Variants in CCN4 observed in about 807,000 individuals in gnomAD.
The protein encoded by CCN4 is cellular communication network factor 4.
In CCN4, 30 loss-of-function variants were observed where a neutral mutation model predicts 36.7. That is an observed-to-expected ratio of 0.82 (90% confidence interval 0.61 to 1.11). The LOEUF is 1.11. Ranked by LOEUF, CCN4 falls within the 50% of genes least tolerant of loss-of-function variation. CCN4 has a pLI of 0.00. For missense variants in CCN4, 505 were observed against 504.9 expected (o/e 1.00, Z 0.00); for synonymous variants, 191 against 195.4 (o/e 0.98, Z 0.19).
At chr8:133,197,190 CT>C (rs1317016960) in intron 1 of CCN4, among the ~76,000 whole-genome samples, 1 of 151,986 alleles carries the variant, frequency 6.6e-6, no homozygotes, top group Non-Finnish European at 1.5e-5. Context: ...GTTTCTGAGC[CT>C]ATTTCCTTTT....
At chr8:133,221,284 A>G (rs1854517109) in intron 3 of CCN4, among the ~76,000 whole-genome samples, 1 of 152,238 alleles carries the variant, frequency 6.6e-6, no homozygotes, top group Non-Finnish European at 1.5e-5. Flanking sequence ...CAGGTAAACC[A>G]GATAAGAGGA....
chr8:133,194,389 G>GT (rs1853241169), intron 1 of CCN4, among the ~76,000 whole-genome samples: 1 of 117,942 alleles, frequency 8.5e-6, no homozygotes, highest in African/African-American at 3.2e-5. Context: ...GTGTGTGTGT[G>GT]GTGTGTGGGG....
At position 133,221,849 on chromosome 8, in the gene CCN4, T is replaced by C. The variant is rs537142610; in HGVS notation, c.610+1008T>C. ...AATAGATAGATGGATTTATAAAAAA[T>C]TGGATGATTGGATGGATAGATGATG... On this transcript the variant is annotated intron_variant, in intron 3 of 4. Transcript: ENST00000250160. 6.7e-5 allele frequency among the ~76,000 whole-genome samples: 10 copies of C among 150,350 alleles called. No homozygotes were observed. The South Asian group carries it at 1.5e-3, about 22-fold the overall frequency.
intron 1 of CCN4, among the ~76,000 whole-genome samples, chr8:133,194,466 GGTGT>G (rs144382859): frequency 1.5e-5 from 1 of 67,050 alleles, no homozygotes; most frequent in Non-Finnish European, 2.5e-5. Flanking sequence ...ATGTGTGTGG[GGTGT>G]GTGTGTGTGT....
intron 1 of CCN4, among the ~76,000 whole-genome samples, chr8:133,194,353 GT>G: frequency 8.5e-6 from 1 of 117,574 alleles, no homozygotes; most frequent in African/African-American, 3.2e-5. Flanking sequence ...TGGGGGGGTG[GT>G]GGTGTGTGGG....
intron 3 of CCN4, 140 bp downstream of exon 3, chr8:133,220,981 C>G: frequency 4.4e-6 from 5 of 1,141,648 alleles, no homozygotes; most frequent in Non-Finnish European, 6.1e-6. Flanking sequence ...GTCATACCTC[C>G]CCTGAGACCC....
intron 2 of CCN4, among the ~76,000 whole-genome samples, chr8:133,214,011 T>C (rs1325546074): frequency 7.7e-6 from 1 of 129,444 alleles, no homozygotes; most frequent in Admixed American, 7.9e-5. Context: ...ATACACTATA[T>C]ATAGTAGTTA....
At chr8:133,193,447 T>G (rs1035074953) in intron 1 of CCN4, among the ~76,000 whole-genome samples, 6 of 152,226 alleles carry the variant, frequency 3.9e-5, no homozygotes, top group African/African-American at 1.4e-4. Context: ...CGAGTGTATT[T>G]GGGAATTTAA....
At chr8:133,217,996 G>C (rs1186343913) in intron 2 of CCN4, among the ~76,000 whole-genome samples, 3 of 148,460 alleles carry the variant, frequency 2.0e-5, no homozygotes, top group Non-Finnish European at 4.4e-5. Flanking sequence ...GCAGAGGCAG[G>C]GTGACTCAGA....
At chr8:133,199,267 G>A (rs1467078549) in intron 1 of CCN4, among the ~76,000 whole-genome samples, 1 of 152,192 alleles carries the variant, frequency 6.6e-6, no homozygotes, top group African/African-American at 2.4e-5. Context: ...ATGTGAAAAA[G>A]GAAACAAGAA....
At chr8:133,192,876 G>C (rs1328766618) in intron 1 of CCN4, among the ~76,000 whole-genome samples, 1 of 152,240 alleles carries the variant, frequency 6.6e-6, no homozygotes, top group Non-Finnish European at 1.5e-5. Flanking sequence ...AGCCAGAGGA[G>C]ACCAGCAAAG....
intron 1 of CCN4, among the ~76,000 whole-genome samples, chr8:133,205,776 T>C (rs1346522562): frequency 6.6e-6 from 1 of 152,170 alleles, no homozygotes; most frequent in East Asian, 1.9e-4. Flanking sequence ...GCACTATTTT[T>C]GAGATCCTAC....
chr8:133,230,365 A>C lies in CCN4; in HGVS notation c.*2655A>C, dbSNP rs936438179. 2 of 152,262 alleles carry C rather than the reference A, an allele frequency of 1.3e-5. No individual in the cohort carries two copies. Among genetic ancestry groups the C allele is most frequent in the African/African-American group, 4.8e-5 (2 of 41,480 alleles). 9.4% of individuals were successfully genotyped at this position (152,262 alleles called of 1,614,324 possible). A position where few individuals can be genotyped will look rare whatever the true frequency, so the allele number is the denominator to read the frequency against. On this transcript the variant is annotated 3_prime_UTR_variant, in exon 5 of 5. Transcript: ENST00000250160. ...AAAAATCTCCACTGATTGAGTGTTT[A>C]CTTGGTGCCAAGCACTATGCTAAGT...
intron 3 of CCN4, among the ~76,000 whole-genome samples, chr8:133,223,182 C>T (rs879521826): frequency 4.6e-5 from 7 of 152,144 alleles, no homozygotes; most frequent in Non-Finnish European, 1.0e-4. Context: ...CCCACCACCA[C>T]CTCCCCAGGA....
chr8:133,212,635 A>T, intron 1 of CCN4, among the ~76,000 whole-genome samples: 1 of 152,108 alleles, frequency 6.6e-6, no homozygotes, highest in South Asian at 2.1e-4. Flanking sequence ...ACCGCTGACC[A>T]GCGGAAGGAT....
At chr8:133,207,309 C>A (rs1853815534) in intron 1 of CCN4, among the ~76,000 whole-genome samples, 1 of 152,196 alleles carries the variant, frequency 6.6e-6, no homozygotes, top group Admixed American at 6.5e-5. Flanking sequence ...GGCAGTGGGC[C>A]GTTATCAGCT....
chr8:133,227,758 C>T lies in CCN4; in HGVS notation c.*48C>T. 6.4e-7 allele frequency: 1 copy of T among 1,574,160 alleles called. No individual in the cohort carries two copies. The highest frequency in any genetic ancestry group is 1.2e-5 in the South Asian group (1 of 83,840). On this transcript the variant is annotated 3_prime_UTR_variant, in exon 5 of 5. Coordinates refer to ENST00000250160, the MANE Select transcript of CCN4 (RefSeq NM_003882.4). ...GGGGACTAACCCAATGCCTGTGAAGCAGTCAGCCCTTATGGCCAATAACTT... is the reference window on the plus strand; with the variant it reads ...GGGGACTAACCCAATGCCTGTGAAGTAGTCAGCCCTTATGGCCAATAACTT...
In CCN4 at chr8:133,230,444, A is replaced by G. The variant is rs746710941; in HGVS notation, c.*2734A>G. The stretch of plus-strand genomic sequence containing the variant: ...CAATTTTGAGTATGCATCTTTCACT[A>G]TTTTATAAGTGGAAAAGAGAAGTGC... On this transcript the variant is annotated 3_prime_UTR_variant, in exon 5 of 5. Transcript: ENST00000250160. 6 of 152,204 alleles carry G rather than the reference A, an allele frequency of 3.9e-5. No homozygotes were observed. Among genetic ancestry groups the G allele is most frequent in the Non-Finnish European group, 5.9e-5 (4 of 68,042 alleles). The allele number at this position is 152,204 out of a possible 1,614,324, so 9.4% of individuals were successfully genotyped here.
At chr8:133,198,186 C>T (rs1853457573) in intron 1 of CCN4, among the ~76,000 whole-genome samples, 2 of 152,316 alleles carry the variant, frequency 1.3e-5, no homozygotes, top group East Asian at 1.9e-4. Context: ...ATTTAACAAG[C>T]AGCAGGGGAG....
Sources: gnomAD v4.1 joint callset for allele counts (sites outside exome capture counted in the v4.1 genomes callset) on GRCh38, gnomAD v4.1.1 for gene constraint, MANE v1.5 for transcripts, NCBI Gene and HGNC (gene_info 2026-07-23, HGNC 2026-07-21) for gene names.